SYNPR: variants seen among roughly 807,000 people sequenced by gnomAD.
SYNPR encodes synaptoporin.
A neutral mutation model predicts 32.9 loss-of-function variants in SYNPR; 23 were observed. The ratio of observed to expected loss-of-function variants is 0.70; its 90% CI spans 0.50 to 0.99. The LOEUF (loss-of-function observed/expected upper bound fraction) is 0.99, where lower values mean the gene tolerates loss of function less well. SYNPR is among the 50% of genes least tolerant of loss of function. SYNPR has a pLI of 0.00. For synonymous variants in SYNPR, 146 were observed against 135.9 expected (o/e 1.07, Z -0.52); for missense variants, 318 against 349.3 (o/e 0.91, Z 0.71).
intron 2 of SYNPR, among the ~76,000 whole-genome samples, chr3:63,480,356 T>C (rs1247159088): frequency 6.6e-6 from 1 of 152,206 alleles, no homozygotes; most frequent in Non-Finnish European, 1.5e-5. Flanking sequence ...TCTAGAATTC[T>C]CCGACCATGA....
intron 2 of SYNPR, among the ~76,000 whole-genome samples, chr3:63,329,445 C>G (rs2087202141): frequency 6.6e-6 from 1 of 152,048 alleles, no homozygotes; most frequent in Admixed American, 6.6e-5. Flanking sequence ...CAATGCAAAC[C>G]CTCACCCAAG....
intron 2 of SYNPR, among the ~76,000 whole-genome samples, chr3:63,258,935 C>G (rs561950636): frequency 6.6e-6 from 1 of 152,158 alleles, no homozygotes; most frequent in Non-Finnish European, 1.5e-5. Context: ...TCAGAGAATA[C>G]TATAAACACC....
intron 2 of SYNPR, among the ~76,000 whole-genome samples, chr3:63,480,020 G>A (rs374662256): frequency 2.5e-4 from 38 of 152,190 alleles, no homozygotes; most frequent in African/African-American, 8.7e-4. Flanking sequence ...AAATTCTTTT[G>A]AGCTTAGCCA....
At chr3:63,482,407 T>C (rs766858897) in intron 3 of SYNPR, among the ~76,000 whole-genome samples, 6 of 152,128 alleles carry the variant, frequency 3.9e-5, no homozygotes, top group Non-Finnish European at 7.4e-5. Flanking sequence ...AGAAGCTCCA[T>C]GTATAAAATA....
chr3:63,524,301 T>C (rs1701965764), intron 3 of SYNPR, among the ~76,000 whole-genome samples: 1 of 152,094 alleles, frequency 6.6e-6, no homozygotes, highest in South Asian at 2.1e-4. Flanking sequence ...ATGTCTACAA[T>C]CTCTTCAGCT....
At chr3:63,265,746 C>T (rs757566522) in intron 2 of SYNPR, among the ~76,000 whole-genome samples, 25 of 152,248 alleles carry the variant, frequency 1.6e-4, no homozygotes, top group African/African-American at 3.1e-4. Flanking sequence ...TTATTCATCA[C>T]TAGACTTTCA....
At chr3:63,202,146 C>A in the SYNPR span, among the ~76,000 whole-genome samples, 1 of 152,086 alleles carries the variant, frequency 6.6e-6, no homozygotes, top group African/African-American at 2.4e-5. Context: ...GTGGTTTTGG[C>A]CCGTTCTCTT....
chr3:63,325,368 C>T (rs1332586336), intron 2 of SYNPR, among the ~76,000 whole-genome samples: 1 of 152,062 alleles, frequency 6.6e-6, no homozygotes, highest in Non-Finnish European at 1.5e-5. Flanking sequence ...TAATTTGAAC[C>T]TACAACCTAC....
At chr3:63,397,653 T>C (rs2088233311) in intron 2 of SYNPR, among the ~76,000 whole-genome samples, 1 of 152,130 alleles carries the variant, frequency 6.6e-6, no homozygotes, top group Admixed American at 6.5e-5. Context: ...TCTAATATGG[T>C]GCAGAAGAAA....
intron 2 of SYNPR, among the ~76,000 whole-genome samples, chr3:63,406,156 A>T (rs1338237718): frequency 6.6e-6 from 1 of 151,630 alleles, no homozygotes; most frequent in Non-Finnish European, 1.5e-5. Context: ...GAACAACGAG[A>T]TGAGGATAAC....
At chr3:63,579,537 TAC>T (rs1703051764) in intron 4 of SYNPR, among the ~76,000 whole-genome samples, 1 of 152,170 alleles carries the variant, frequency 6.6e-6, no homozygotes, top group Non-Finnish European at 1.5e-5. Context: ...GTCTGTCCCC[TAC>T]ACAAGAACAT....
chr3:63,348,797 A>C (rs1304547531), intron 2 of SYNPR, among the ~76,000 whole-genome samples: 1 of 152,180 alleles, frequency 6.6e-6, no homozygotes, highest in Non-Finnish European at 1.5e-5. Context: ...TTCTTTCTCC[A>C]GTATGTCTTT....
At chr3:63,415,582 CAAA>C (rs748027542) in intron 2 of SYNPR, among the ~76,000 whole-genome samples, 3 of 152,164 alleles carry the variant, frequency 2.0e-5, no homozygotes, top group Non-Finnish European at 4.4e-5. Context: ...CATTGTAGCA[CAAA>C]AGCAGCCATA....
At chr3:63,577,583 C>T (rs890906162) in intron 4 of SYNPR, among the ~76,000 whole-genome samples, 2 of 151,974 alleles carry the variant, frequency 1.3e-5, no homozygotes, top group African/African-American at 4.8e-5. Context: ...AGTAATGGAT[C>T]AGAAACAGGA....
intron 4 of SYNPR, among the ~76,000 whole-genome samples, chr3:63,570,633 C>T (rs7618831): frequency 0.42 from 63,502 of 151,922 alleles, 13,692 homozygotes; most frequent in African/African-American, 0.51. Context: ...ATCTGTTCCA[C>T]GAAGTATTTC....
intron 2 of SYNPR, among the ~76,000 whole-genome samples, chr3:63,305,603 A>G (rs1282042317): frequency 6.6e-6 from 1 of 151,988 alleles, no homozygotes; most frequent in Non-Finnish European, 1.5e-5. Flanking sequence ...TGTTTAATAC[A>G]TATACACTTC....
At chr3:63,485,827 C>A (rs972573345) in intron 3 of SYNPR, among the ~76,000 whole-genome samples, 1 of 152,094 alleles carries the variant, frequency 6.6e-6, no homozygotes, top group South Asian at 2.1e-4. Context: ...TTGAGAACAA[C>A]TAAATATAGG....
At chr3:63,593,870 C>T (rs780482106) in intron 4 of SYNPR, among the ~76,000 whole-genome samples, 1 of 152,110 alleles carries the variant, frequency 6.6e-6, no homozygotes, top group Non-Finnish European at 1.5e-5. Flanking sequence ...GGGAGGAGAA[C>T]AGATCTCCCT....
intron 2 of SYNPR, among the ~76,000 whole-genome samples, chr3:63,255,151 C>T (rs1202241534): frequency 1.3e-5 from 2 of 152,152 alleles, no homozygotes; most frequent in African/African-American, 4.8e-5. Context: ...TCTCTCCAGA[C>T]ATTACCAAAA....
Sources: gnomAD v4.1 joint callset for allele counts (sites outside exome capture counted in the v4.1 genomes callset) on GRCh38, gnomAD v4.1.1 for gene constraint, MANE v1.5 for transcripts, NCBI Gene and HGNC (gene_info 2026-07-23, HGNC 2026-07-21) for gene names.